The following SAMMSON variants were observed in gnomAD, a reference collection of about 807,000 sequenced individuals.
The protein encoded by SAMMSON is long intergenic non-protein coding RNA 1212.
intron 4 of SAMMSON, among the ~76,000 whole-genome samples, chr3:70,152,740 C>A (rs1057011722): frequency 6.6e-6 from 1 of 151,994 alleles, no homozygotes; most frequent in African/African-American, 2.4e-5. Context: ...CAAAAATACC[C>A]TTAGGGGAAC....
chr3:70,239,195 A>C (rs1701641133), intron 4 of SAMMSON, among the ~76,000 whole-genome samples: 1 of 152,220 alleles, frequency 6.6e-6, no homozygotes, highest in Non-Finnish European at 1.5e-5. Flanking sequence ...TATGTTGAGT[A>C]CGTACTCAGT....
intron 2 of SAMMSON, among the ~76,000 whole-genome samples, chr3:70,412,260 A>G (rs1396720184): frequency 1.3e-5 from 2 of 152,198 alleles, no homozygotes; most frequent in Non-Finnish European, 2.9e-5. Context: ...CCCCCACATT[A>G]TGTCATATGT....
intron 3 of SAMMSON, among the ~76,000 whole-genome samples, chr3:70,017,982 T>G (rs551478710): frequency 6.6e-6 from 1 of 152,176 alleles, no homozygotes; most frequent in South Asian, 2.1e-4. Context: ...TGGATTTGGT[T>G]TGCCAGTATT....
chr3:70,315,564 G>A (rs1262332299), intron 7 of SAMMSON, among the ~76,000 whole-genome samples: 3 of 152,160 alleles, frequency 2.0e-5, no homozygotes, highest in Admixed American at 6.6e-5. Flanking sequence ...GTCCTTGTTG[G>A]ACATTAAGGG....
At chr3:70,331,236 T>A (rs999505443) in intron 7 of SAMMSON, among the ~76,000 whole-genome samples, 3 of 152,190 alleles carry the variant, frequency 2.0e-5, no homozygotes, top group African/African-American at 7.2e-5. Flanking sequence ...TTCTCTCCAA[T>A]GCATGATTTC....
intron 3 of SAMMSON, among the ~76,000 whole-genome samples, chr3:70,043,352 A>T (rs1286703021): frequency 6.6e-6 from 1 of 152,096 alleles, no homozygotes; most frequent in African/African-American, 2.4e-5. Context: ...TCCTTTTTAC[A>T]CACATCCTTA....
At chr3:70,137,037 C>G (rs1235226819) in intron 4 of SAMMSON, among the ~76,000 whole-genome samples, 1 of 152,148 alleles carries the variant, frequency 6.6e-6, no homozygotes, top group Admixed American at 6.5e-5. Flanking sequence ...CCAGGAAACC[C>G]ATAGACACAA....
chr3:70,321,252 C>G (rs1702536577), intron 7 of SAMMSON, among the ~76,000 whole-genome samples: 1 of 152,046 alleles, frequency 6.6e-6, no homozygotes, highest in Non-Finnish European at 1.5e-5. Flanking sequence ...ATCCAGCCCT[C>G]CCTCCATCCC....
intron 4 of SAMMSON, among the ~76,000 whole-genome samples, chr3:70,207,516 G>A (rs1701303930): frequency 6.6e-6 from 1 of 152,000 alleles, no homozygotes; most frequent in African/African-American, 2.4e-5. Context: ...AGGCTGAGAA[G>A]CCCCAAGCGT....
chr3:70,013,237 G>GT (rs1279332608), intron 2 of SAMMSON, among the ~76,000 whole-genome samples: 4 of 152,042 alleles, frequency 2.6e-5, no homozygotes, highest in Non-Finnish European at 5.9e-5. Flanking sequence ...TTATTTTTAG[G>GT]TTTGTAGTCT....
At chr3:70,045,657 C>T (rs999792031) in intron 3 of SAMMSON, among the ~76,000 whole-genome samples, 2 of 151,932 alleles carry the variant, frequency 1.3e-5, no homozygotes, top group Admixed American at 6.6e-5. Context: ...CAAAGTGAAG[C>T]GACTAGTGAA....
At chr3:70,329,411 G>A (rs1466934602) in intron 7 of SAMMSON, among the ~76,000 whole-genome samples, 1 of 152,056 alleles carries the variant, frequency 6.6e-6, no homozygotes, top group East Asian at 1.9e-4. Context: ...ATGTGAGAGA[G>A]GTGTGGAGCT....
intron 1 of SAMMSON, chr3:70,012,289 A>G (rs1396535417): frequency 6.6e-6 from 1 of 152,082 alleles, no homozygotes; most frequent in Non-Finnish European, 1.5e-5. Context: ...TACAAGGGAA[A>G]GTGGACTTTG....
chr3:70,386,219 G>A (rs938582061), intron 9 of SAMMSON, among the ~76,000 whole-genome samples: 8 of 152,152 alleles, frequency 5.3e-5, no homozygotes, highest in South Asian at 2.1e-4. Flanking sequence ...CAGAAGCTCC[G>A]CTGATTATCA....
intron 2 of SAMMSON, among the ~76,000 whole-genome samples, chr3:70,398,112 A>G (rs1701107151): frequency 6.6e-6 from 1 of 152,226 alleles, no homozygotes; most frequent in South Asian, 2.1e-4. Flanking sequence ...CAATTCCATC[A>G]GAGCAACTTG....
intron 9 of SAMMSON, among the ~76,000 whole-genome samples, chr3:70,388,409 A>C (rs1701003649): frequency 6.6e-6 from 1 of 152,110 alleles, no homozygotes; most frequent in African/African-American, 2.4e-5. Flanking sequence ...TCTAAAAAAA[A>C]CAGTTGTTTG....
intron 4 of SAMMSON, chr3:70,204,574 G>A (rs1701273019): frequency 6.6e-6 from 1 of 152,050 alleles, no homozygotes; most frequent in Non-Finnish European, 1.5e-5. Context: ...CTTACAACCT[G>A]AATTTCTTGG....
At chr3:70,195,919 T>C (rs897651586) in intron 4 of SAMMSON, among the ~76,000 whole-genome samples, 9 of 152,134 alleles carry the variant, frequency 5.9e-5, no homozygotes, top group Non-Finnish European at 1.2e-4. Flanking sequence ...ATAAGTAAAA[T>C]AAGTACTTGA....
chr3:70,036,383 C>T (rs987398680), intron 3 of SAMMSON, among the ~76,000 whole-genome samples: 5 of 152,112 alleles, frequency 3.3e-5, no homozygotes, highest in African/African-American at 1.2e-4. Flanking sequence ...AACAAGCTCT[C>T]CCCCACTGTC....
Sources: allele counts gnomAD v4.1 joint callset (sites outside exome capture counted in the v4.1 genomes callset), GRCh38; gene constraint gnomAD v4.1.1; transcripts MANE v1.5; gene names NCBI Gene and HGNC (gene_info 2026-07-23, HGNC 2026-07-21).